The following ARV1 variants were observed in gnomAD, a reference collection of about 807,000 sequenced individuals.
ARV1 encodes protein ARV1.
Under a neutral mutation model 31.1 loss-of-function variants are expected in ARV1, and 26 were observed. That is an observed-to-expected ratio of 0.84 (90% CI 0.61 to 1.16). The LOEUF is 1.16. ARV1 is among the 50% of genes most tolerant of loss of function. The probability of loss-of-function intolerance (pLI) is 0.00; values close to 1 mark genes in which losing one functional copy is unlikely to be tolerated. For synonymous variants in ARV1, 117 were observed against 123.2 expected (o/e 0.95, Z 0.34); for missense variants, 281 against 324.9 (o/e 0.86, Z 1.04).
At chr1:230,985,773 G>A (rs1038598967) in intron 1 of ARV1, among the ~76,000 whole-genome samples, 2 of 152,158 alleles carry the variant, frequency 1.3e-5, no homozygotes, top group Non-Finnish European at 2.9e-5. Context: ...TTCCATGTGA[G>A]TAGCCAAGGG....
At chr1:230,994,372 C>G (rs983809041) in intron 3 of ARV1, among the ~76,000 whole-genome samples, 1 of 152,188 alleles carries the variant, frequency 6.6e-6, no homozygotes, top group Non-Finnish European at 1.5e-5. Flanking sequence ...TATTCTTTCA[C>G]TATTTATTCA....
At chr1:230,984,804 T>G (rs1419623442) in intron 1 of ARV1, among the ~76,000 whole-genome samples, 1 of 152,244 alleles carries the variant, frequency 6.6e-6, no homozygotes, top group African/African-American at 2.4e-5. Context: ...AAATCCTTCA[T>G]TATAATTAGA....
Position 230,991,694 on chromosome 1 carries a change from C to T in ARV1, c.448+1431C>T, listed in dbSNP as rs183171211. On this transcript the variant is annotated intron_variant, in intron 3 of 5. Coordinates refer to ENST00000310256, the MANE Select transcript of ARV1 (RefSeq NM_022786.3). The stretch of plus-strand genomic sequence containing the variant: ...TCGCCCAGGCTGGAGTGCAGTGGCG[C>T]GGTCTTGACTCACTGCAACCTCTGC... 6.6e-3 allele frequency among the ~76,000 whole-genome samples: 984 copies of T among 149,654 alleles called. 15 individuals carry two copies. The highest frequency in any genetic ancestry group is 0.022 in the African/African-American group (873 of 40,266).
chr1:230,983,032 G>T (rs1384316958), intron 1 of ARV1, among the ~76,000 whole-genome samples: 1 of 151,882 alleles, frequency 6.6e-6, no homozygotes, highest in African/African-American at 2.4e-5. Context: ...GTGTTTCTCT[G>T]ACTTTCCTCT....
At chr1:230,996,761 C>G (rs1016225304) in intron 4 of ARV1, among the ~76,000 whole-genome samples, 84 of 152,242 alleles carry the variant, frequency 5.5e-4, no homozygotes, top group African/African-American at 1.8e-3. Context: ...GAACTTATTA[C>G]CTGATACTTT....
chr1:230,999,920 T>C (rs897952655), intron 5 of ARV1: 4 of 152,188 alleles, frequency 2.6e-5, no homozygotes, highest in African/African-American at 7.2e-5. Flanking sequence ...ATTACCCTGT[T>C]TTTTATTATC....
intron 3 of ARV1, among the ~76,000 whole-genome samples, chr1:230,995,004 A>T (rs994264172): frequency 1.3e-5 from 2 of 152,260 alleles, no homozygotes; most frequent in South Asian, 4.1e-4. Flanking sequence ...AACATAGCTT[A>T]TATGGGAAAA....
At chr1:230,991,866 G>T (rs553723792) in intron 3 of ARV1, among the ~76,000 whole-genome samples, 1 of 152,070 alleles carries the variant, frequency 6.6e-6, no homozygotes, top group African/African-American at 2.4e-5. Flanking sequence ...CTGACCTCGT[G>T]ATCCGTCCGC....
intron 3 of ARV1, 148 bp from the exon 4 acceptor site, chr1:230,995,608 AAAAG>A (rs1679338106): frequency 1.6e-6 from 1 of 639,480 alleles, no homozygotes; most frequent in African/African-American, 1.9e-5. Context: ...CACACAAACA[AAAAG>A]AAGAAGAAAA....
intron 3 of ARV1, chr1:230,990,705 A>G (rs1490426672): frequency 3.6e-6 from 1 of 275,782 alleles, no homozygotes; most frequent in Non-Finnish European, 7.3e-6. Context: ...ACAGGTATGC[A>G]CCACCACACC....
chr1:230,984,879 G>A (rs1260825233), intron 1 of ARV1, among the ~76,000 whole-genome samples: 2 of 152,162 alleles, frequency 1.3e-5, no homozygotes, highest in African/African-American at 4.8e-5. Flanking sequence ...AAAAATCCTG[G>A]GAACTTCATA....
chr1:230,995,689 G>T, intron 3 of ARV1, 71 bp from the exon 4 acceptor site: 1 of 1,166,622 alleles, frequency 8.6e-7, no homozygotes, highest in African/African-American at 1.6e-5. Context: ...TAGAATGGTG[G>T]TTTATTTGTT....
At chr1:230,997,049 T>A in intron 4 of ARV1, 72 bp from the exon 5 acceptor site, 1 of 1,548,636 alleles carries the variant, frequency 6.5e-7, no homozygotes. Context: ...AAACAATTCA[T>A]ACTACCCGAA....
intron 1 of ARV1, among the ~76,000 whole-genome samples, chr1:230,984,459 T>G (rs61828274): frequency 0.023 from 3,395 of 149,362 alleles, 47 homozygotes; most frequent in Non-Finnish European, 0.034. Context: ...CAAGCAGCAC[T>G]TAAGGGAAAA....
intron 1 of ARV1, among the ~76,000 whole-genome samples, chr1:230,986,240 A>G (rs1679063147): frequency 6.6e-6 from 1 of 152,086 alleles, no homozygotes; most frequent in South Asian, 2.1e-4. Flanking sequence ...AGCACATTTA[A>G]GTTTGAGGTA....
At position 230,979,491 on chromosome 1, in the gene ARV1, C is replaced by T. The variant is rs564424689; in HGVS notation, c.174+212C>T. On this transcript the variant is annotated intron_variant, in intron 1 of 5. Transcript: ENST00000310256. ...CATATTTGGGTGATATGACCTAAGC[C>T]GGCGAACGGACCGGACCGACAGACA... 11 of 554,014 alleles carry T rather than the reference C, an allele frequency of 2.0e-5. 1 individual carries two copies. In the African/African-American group the frequency reaches 2.0e-4, roughly 10 times the overall value. 34.3% of individuals were successfully genotyped at this position (554,014 alleles called of 1,614,324 possible). A position where few individuals can be genotyped will look rare whatever the true frequency, so the allele number is the denominator to read the frequency against.
Position 230,988,479 on chromosome 1 carries a change from C to A in ARV1, c.294+40C>A, listed in dbSNP as rs1018383861. 4.3e-6 allele frequency: 6 copies of A among 1,408,048 alleles called. No homozygotes were observed. The African/African-American group carries it at 8.8e-5, about 21-fold the overall frequency. 87.2% of individuals were successfully genotyped at this position (1,408,048 alleles called of 1,614,324 possible). A position where few individuals can be genotyped will look rare whatever the true frequency, so the allele number is the denominator to read the frequency against. ...TTTCATTTTTTAATTTTATTTGATG[C>A]TGTTACATTTTAAAAGAATAATAAG... On this transcript the variant is annotated intron_variant, in intron 2 of 5. Coordinates refer to ENST00000310256, the MANE Select transcript of ARV1 (RefSeq NM_022786.3).
Position 230,995,867 on chromosome 1 carries a change from T to A in ARV1, c.556T>A (p.Ser186Thr). Residue 186 changes from serine to threonine, a missense_variant, in exon 4 of 6, where the codon TCT (serine) becomes ACT (threonine). Transcript: ENST00000310256. ...TTTGCTGCTGAAAGCATTATTATTA[T>A]CTAGCTACGGAAAACTCTTGCTGAT... ...FILLLKALLLSSYGKLLLIPA... is the reference protein window; with the variant it reads ...FILLLKALLLTSYGKLLLIPA... 6.2e-7 allele frequency: 1 copy of A among 1,614,180 alleles called. No homozygotes were observed. Among genetic ancestry groups the A allele is most frequent in the Non-Finnish European group, 8.5e-7 (1 of 1,180,028 alleles).
chr1:230,996,197 C>T (rs575689420), intron 4 of ARV1, among the ~76,000 whole-genome samples: 1 of 152,248 alleles, frequency 6.6e-6, no homozygotes, highest in East Asian at 1.9e-4. Flanking sequence ...TTTCAAAATG[C>T]TCTCATATGC....
Sources: gnomAD v4.1 joint callset for allele counts (sites outside exome capture counted in the v4.1 genomes callset) on GRCh38, gnomAD v4.1.1 for gene constraint, MANE v1.5 for transcripts, NCBI Gene and HGNC (gene_info 2026-07-23, HGNC 2026-07-21) for gene names.